GSDME: variants seen among roughly 807,000 people sequenced by gnomAD.
The protein encoded by GSDME is gasdermin-E.
In GSDME, 44 loss-of-function variants were observed where a neutral mutation model predicts 47.5. The observed-to-expected ratio is 0.93, with a 90% CI of 0.73 to 1.19. GSDME has a LOEUF of 1.19. Among genes scored for constraint, GSDME ranks in the 50% most tolerant of loss-of-function variants. GSDME has a pLI of 0.00. For synonymous variants in GSDME, 258 were observed against 252.8 expected, an observed-to-expected ratio of 1.02 and a Z score of -0.20; for missense variants, 663 against 604.2, an observed-to-expected ratio of 1.10 and a Z score of -1.02.
chr7:24,720,528 C>G (rs1789738604), intron 3 of GSDME, among the ~76,000 whole-genome samples: 1 of 152,014 alleles, frequency 6.6e-6, no homozygotes, highest in Non-Finnish European at 1.5e-5. Context: ...AATCACCTGC[C>G]CAGAATAGAA....
At chr7:24,702,033 G>A (rs1479809292) in intron 9 of GSDME, among the ~76,000 whole-genome samples, 1 of 152,144 alleles carries the variant, frequency 6.6e-6, no homozygotes, top group African/African-American at 2.4e-5. Flanking sequence ...GGTTGGCCTT[G>A]GACTTTAGTA....
chr7:24,767,877 ATACT>A, the GSDME span, among the ~76,000 whole-genome samples: 1 of 152,210 alleles, frequency 6.6e-6, no homozygotes, highest in African/African-American at 2.4e-5. This position sits in a 1 kb window ranked among gnomAD's most constrained non-coding sequence, Gnocchi z 5.3. Context: ...TGTTTGTGTA[ATACT>A]TTATTAAGTG....
the GSDME span, among the ~76,000 whole-genome samples, chr7:24,784,586 A>C: frequency 6.6e-6 from 1 of 150,902 alleles, no homozygotes. Context: ...TTAGCAAGCC[A>C]GCTGATCCCA....
At chr7:24,719,266 TG>T in intron 3 of GSDME, 48 bp from the exon 4 acceptor site, 1 of 1,583,372 alleles carries the variant, frequency 6.3e-7, no homozygotes, top group Non-Finnish European at 8.6e-7. Context: ...CAGGGGACAT[TG>T]GTGTAGTGTG....
chr7:24,756,167 G>A lies in GSDME; in HGVS notation c.-20+1229C>T, dbSNP rs1791010040. Among the ~76,000 whole-genome samples, 1 of 152,212 alleles carries A rather than the reference G, an allele frequency of 6.6e-6. No homozygotes were observed. The highest frequency in any genetic ancestry group is 1.5e-5 in the Non-Finnish European group (1 of 68,044). ...AGGAGAAGGAGAGTGAGGCGCCAAA[G>A]GCTTTGGGGAAGTGGAGTGGGTAAC... On this transcript the variant is annotated intron_variant, in intron 1 of 9. Coordinates refer to ENST00000645220, the MANE Select transcript of GSDME (RefSeq NM_001127453.2). The surrounding 1 kb of genome is among the most constrained non-coding windows in gnomAD (Gnocchi z 4.2).
chr7:24,699,307 A>G (rs778999236), intron 9 of GSDME, 48 bp from the exon 10 acceptor site: 3 of 1,402,552 alleles, frequency 2.1e-6, no homozygotes, highest in South Asian at 1.2e-5. Flanking sequence ...GTCCTAAAAA[A>G]TCCACATTGG....
intron 5 of GSDME, among the ~76,000 whole-genome samples, chr7:24,715,264 T>C (rs1337994047): frequency 6.6e-6 from 1 of 152,164 alleles, no homozygotes; most frequent in East Asian, 1.9e-4. Flanking sequence ...TGGTAAGTTC[T>C]GGGGATCTAG....
At chr7:24,717,513 G>A in intron 4 of GSDME, 139 bp from the exon 5 acceptor site, 1 of 1,353,484 alleles carries the variant, frequency 7.4e-7, no homozygotes, top group Non-Finnish European at 1.0e-6. Context: ...AGAGGAGCCA[G>A]CCAGCATGGG....
intron 3 of GSDME, among the ~76,000 whole-genome samples, chr7:24,722,690 A>G (rs973155460): frequency 2.0e-5 from 3 of 152,222 alleles, no homozygotes; most frequent in Admixed American, 1.3e-4. Context: ...GCTCCTAGCC[A>G]GTGTGAAATT....
At chr7:24,789,621 C>T in the GSDME span, among the ~76,000 whole-genome samples, 1 of 152,178 alleles carries the variant, frequency 6.6e-6, no homozygotes, top group African/African-American at 2.4e-5. Context: ...TTTTAACTAC[C>T]AGGCCCAGGG....
rs1156992699 is a variant in GSDME, at chr7:24,733,746, A to C, written c.404+10816T>G. Among the ~76,000 whole-genome samples the C allele has an allele frequency of 6.6e-6, 1 of 152,168 alleles. No homozygotes were observed. The highest frequency in any genetic ancestry group is 6.5e-5 in the Admixed American group (1 of 15,280). On this transcript the variant is annotated intron_variant, in intron 3 of 9. Transcript: ENST00000645220. This position sits in a 1 kb window ranked among gnomAD's most constrained non-coding sequence, Gnocchi z 4.3. ...GACTTTGTCCTGTGATTTGAGTGCC[A>C]GTTGAGCCACAGTAGAGTAGAGCAC...
Position 24,699,239 on chromosome 7 carries a change from A to G in GSDME, c.1278T>C (p.Asp426=), listed in dbSNP as rs759400101. ...LCHLLRALSD[D]GVSDLEDPTL... is the part of the protein sequence containing the mutation. ...TTGGGTCTTCAAGATCAGATACTCC[A>G]TCATCAGACAGAGCACGAAGCTGAA... The change falls in exon 10 of 10, where the codon GAT becomes GAC. Residue 426 remains aspartate (D), a synonymous_variant. Coordinates refer to ENST00000645220, the MANE Select transcript of GSDME (RefSeq NM_001127453.2). The G allele has an allele frequency of 1.1e-5, 18 of 1,612,398 alleles. No homozygotes were observed. In the South Asian group the frequency reaches 1.9e-4, roughly 17 times the overall value.
intron 7 of GSDME, chr7:24,707,436 C>T (rs1269150479): frequency 2.1e-6 from 1 of 471,650 alleles, no homozygotes; most frequent in Non-Finnish European, 4.4e-6. Flanking sequence ...CTGCAAAACA[C>T]AACAGTGCAA....
At chr7:24,703,898 G>A (rs1408138982) in intron 8 of GSDME, 3 of 152,334 alleles carry the variant, frequency 2.0e-5, no homozygotes, top group East Asian at 1.9e-4. Flanking sequence ...GTATCCAGCT[G>A]AGCCTCTGTC....
chr7:24,702,139 A>T (rs1234785916), intron 9 of GSDME, among the ~76,000 whole-genome samples: 2 of 152,236 alleles, frequency 1.3e-5, no homozygotes, highest in Non-Finnish European at 2.9e-5. Flanking sequence ...CTGCCCCATC[A>T]GGGTGGCTTC....
chr7:24,722,323 A>C (rs1003428577), intron 3 of GSDME, among the ~76,000 whole-genome samples: 1 of 152,214 alleles, frequency 6.6e-6, no homozygotes, highest in Non-Finnish European at 1.5e-5. Context: ...TGCAGCTTGG[A>C]TCAAAAAATG....
chr7:24,759,590 C>A (rs1460698578), upstream of GSDME, among the ~76,000 whole-genome samples: 3 of 152,186 alleles, frequency 2.0e-5, no homozygotes, highest in Admixed American at 6.5e-5. Flanking sequence ...GGAATTGAGG[C>A]ACAAACTGGA....
In GSDME at chr7:24,742,872, G is replaced by A. The variant is rs1033289055; in HGVS notation, c.404+1690C>T. On this transcript the variant is annotated intron_variant, in intron 3 of 9. Transcript: ENST00000645220. The surrounding 1 kb of genome is among the most constrained non-coding windows in gnomAD (Gnocchi z 4.4). ...TTTCTAGTGTGTCCCAACAATTGCA[G>A]TTGAGAAGGAAAATGGGACTCTAGC... 6.6e-6 allele frequency among the ~76,000 whole-genome samples: 1 copy of A among 152,216 alleles called. No homozygotes were observed. Among genetic ancestry groups the A allele is most frequent in the Admixed American group, 6.5e-5 (1 of 15,278 alleles).
chr7:24,719,175 C>T lies in GSDME; in HGVS notation c.448G>A (p.Gly150Arg). Reference sequence around the variant, plus strand: ...AAAACGCACAGGACCTCATTCCTTCCTTCCAGCACCTGCTGGAGCACAGGG... The same window carrying T: ...AAAACGCACAGGACCTCATTCCTTCTTTCCAGCACCTGCTGGAGCACAGGG... ...RNPVLQQVLE[G>R]RNEVLCVLTQ... Residue 150 changes from glycine to arginine, a missense_variant, in exon 4 of 10, where the codon GGA (glycine) becomes AGA (arginine). Physicochemically the swap from Gly to Arg is moderately radical, Grantham distance 125. Coordinates refer to ENST00000645220, the MANE Select transcript of GSDME (RefSeq NM_001127453.2). The T allele has an allele frequency of 6.2e-7, 1 of 1,613,714 alleles. No homozygotes were observed. The highest frequency in any genetic ancestry group is 2.2e-5 in the East Asian group (1 of 44,882).
Sources: gnomAD v4.1 joint callset for allele counts (sites outside exome capture counted in the v4.1 genomes callset) on GRCh38, gnomAD v4.1.1 for gene constraint, Gnocchi (gnomAD v3.1) non-coding constraint, MANE v1.5 for transcripts, NCBI Gene and HGNC (gene_info 2026-07-23, HGNC 2026-07-21) for gene names.